SIDT2: variants seen among roughly 807,000 people sequenced by gnomAD.
The protein encoded by SIDT2 is SID1 transmembrane family member 2.
Under a neutral mutation model 114.4 loss-of-function variants are expected in SIDT2, and 68 were observed. The ratio of observed to expected loss-of-function variants is 0.59; its 90% CI spans 0.49 to 0.73. SIDT2 has a LOEUF of 0.73. Among genes scored for constraint, SIDT2 ranks in the 30% least tolerant of loss-of-function variants. The probability of loss-of-function intolerance (pLI) is 0.00; values close to 1 mark genes in which losing one functional copy is unlikely to be tolerated. For missense variants in SIDT2, 918 were observed against 1,097.1 expected, an observed-to-expected ratio of 0.84 and a Z score of 2.31; for synonymous variants, 470 against 438.4, an observed-to-expected ratio of 1.07 and a Z score of -0.90.
At chr11:117,179,476 C>T (rs777427551) in intron 1 of SIDT2, 30 bp downstream of exon 1, 10 of 1,593,520 alleles carry the variant, frequency 6.3e-6, no homozygotes, top group Middle Eastern at 1.7e-4. Context: ...GGGCCAGAGG[C>T]GAGTGGGGAA....
At chr11:117,179,619 A>G (rs2030185590) in intron 1 of SIDT2, 173 bp downstream of exon 1, 1 of 611,284 alleles carries the variant, frequency 1.6e-6, no homozygotes, top group South Asian at 2.3e-5. Flanking sequence ...CTTTGCCACC[A>G]ATGTTTCTCT....
In SIDT2 at chr11:117,196,084, G is replaced by A. The variant is rs765325547; in HGVS notation, c.*18G>A. ...TCTTCTAGCAGGAGCTGGGCCCTTC[G>A]CTTCACCTCAAGGGGCCCTGAGCTC... is the stretch of plus-strand genomic sequence containing the variant. On this transcript the variant is annotated 3_prime_UTR_variant, in exon 26 of 26. Transcript: ENST00000324225. The surrounding 1 kb of genome is among the most constrained non-coding windows in gnomAD (Gnocchi z 4.9). 5.0e-6 allele frequency: 8 copies of A among 1,613,958 alleles called. No homozygotes were observed. The highest frequency in any genetic ancestry group is 2.2e-5 in the South Asian group (2 of 91,080).
At position 117,179,356 on chromosome 11, in the gene SIDT2, A is replaced by G; in HGVS notation, c.93A>G (p.Lys31=). The G allele has an allele frequency of 1.2e-6, 2 of 1,614,160 alleles. No homozygotes were observed. Among genetic ancestry groups the G allele is most frequent in the Non-Finnish European group, 1.7e-6 (2 of 1,180,034 alleles). Residue 31 remains lysine, a synonymous_variant, in exon 1 of 26, where the codon AAA becomes AAG. Coordinates refer to ENST00000324225, the MANE Select transcript of SIDT2 (RefSeq NM_001040455.2). ...GVLGPKNVSQ[K]DAEFERTYVD... ...TGGGGCCCAAGAACGTCTCGCAGAAAGACGCCGAGTTTGAGCGCACCTACG... is the reference window on the plus strand; with the variant it reads ...TGGGGCCCAAGAACGTCTCGCAGAAGGACGCCGAGTTTGAGCGCACCTACG...
chr11:117,188,199 C>T lies in SIDT2; in HGVS notation c.1159+500C>T. ...CGTCTGCGTTGCCAGCGCCCTCACT[C>T]CCTGGCCTGCTTGGGGAGGGCTCAC... On this transcript the variant is annotated intron_variant, in intron 12 of 25. Coordinates refer to ENST00000324225, the MANE Select transcript of SIDT2 (RefSeq NM_001040455.2). The surrounding 1 kb of genome is among the most constrained non-coding windows in gnomAD (Gnocchi z 4.0). 1 of 357,224 alleles carries T rather than the reference C, an allele frequency of 2.8e-6. No homozygotes were observed. The highest frequency in any genetic ancestry group is 2.1e-5 in the South Asian group (1 of 46,644). The allele number at this position is 357,224 out of a possible 1,614,324, so 22.1% of individuals were successfully genotyped here. A position where few individuals can be genotyped will look rare whatever the true frequency, so the allele number is the denominator to read the frequency against.
At chr11:117,183,744 T>C in intron 6 of SIDT2, 35 bp from the exon 7 acceptor site, 1 of 1,338,394 alleles carries the variant, frequency 7.5e-7, no homozygotes, top group South Asian at 1.2e-5. Context: ...ATGATGATGA[T>C]GATGAAGAAG....
chr11:117,181,628 C>CT, intron 2 of SIDT2, 91 bp downstream of exon 2: 2 of 1,594,322 alleles, frequency 1.3e-6, no homozygotes, highest in Non-Finnish European at 1.7e-6. Flanking sequence ...TTCTCCTCCC[C>CT]TTTCCCTGGG....
At position 117,181,864 on chromosome 11, in the gene SIDT2, CA is replaced by C; in HGVS notation, c.365del (p.Lys122ArgfsTer64). On this transcript the variant is annotated frameshift_variant, in exon 3 of 26. Coordinates refer to ENST00000324225, the MANE Select transcript of SIDT2 (RefSeq NM_001040455.2). LOFTEE classifies it high-confidence loss of function. ...AACGAACCCTGTGTCAGCCCCCCAC[CA>C]AGAATGAGTCGGAGATTCAGTTCTT... ...VERTLCQPPT[K>X]NESEIQFFYV... The C allele has an allele frequency of 6.2e-7, 1 of 1,614,226 alleles. No homozygotes were observed. Among genetic ancestry groups the C allele is most frequent in the Non-Finnish European group, 8.5e-7 (1 of 1,180,036 alleles).
chr11:117,182,292 G>C (rs1199150019), intron 4 of SIDT2, 187 bp downstream of exon 4: 31 of 747,794 alleles, frequency 4.1e-5, no homozygotes, highest in Non-Finnish European at 5.9e-5. Context: ...CAGAGACATG[G>C]AGTCTGGTTG....
At chr11:117,193,671 G>A (rs1025380437) in intron 23 of SIDT2, among the ~76,000 whole-genome samples, 182 bp from the exon 24 acceptor site, 2 of 152,212 alleles carry the variant, frequency 1.3e-5, no homozygotes, top group African/African-American at 4.8e-5. Flanking sequence ...AGGCTGGGTG[G>A]GGTGGACATC....
At chr11:117,194,347 T>C (rs890705831) in intron 24 of SIDT2, among the ~76,000 whole-genome samples, 1 of 152,088 alleles carries the variant, frequency 6.6e-6, no homozygotes, top group African/African-American at 2.4e-5. Flanking sequence ...ACACCTACCA[T>C]AGGCCAGCAC....
At position 117,188,578 on chromosome 11, in the gene SIDT2, A is replaced by C; in HGVS notation, c.1160-130A>C. 1 of 695,546 alleles carries C rather than the reference A, an allele frequency of 1.4e-6. No homozygotes were observed. The highest frequency in any genetic ancestry group is 2.6e-6 in the Non-Finnish European group (1 of 387,014). 43.1% of individuals were successfully genotyped at this position (695,546 alleles called of 1,614,324 possible). A position where few individuals can be genotyped will look rare whatever the true frequency, so the allele number is the denominator to read the frequency against. On this transcript the variant is annotated intron_variant, in intron 12 of 25. Coordinates refer to ENST00000324225, the MANE Select transcript of SIDT2 (RefSeq NM_001040455.2). This position sits in a 1 kb window ranked among gnomAD's most constrained non-coding sequence, Gnocchi z 4.0. ...AGCTCCTGAGCCCACTTCCACCCCA[A>C]CTCTGAGGCCCAGCCCACAATTTGC...
Position 117,190,558 on chromosome 11 carries a change from T to G in SIDT2, c.1618-65T>G, listed in dbSNP as rs2030663051. On this transcript the variant is annotated intron_variant, in intron 17 of 25. Transcript: ENST00000324225. The surrounding 1 kb of genome is among the most constrained non-coding windows in gnomAD (Gnocchi z 4.1). ...TTCCACTCCTCTTAGGGTCCCTCTT[T>G]TGGGTCCCTTCTTCCCTTCCTGCCT... The G allele has an allele frequency of 2.2e-6, 3 of 1,363,184 alleles. No homozygotes were observed. The highest frequency in any genetic ancestry group is 3.1e-6 in the Non-Finnish European group (3 of 979,162). The allele number at this position is 1,363,184 out of a possible 1,614,324, so 84.4% of individuals were successfully genotyped here.
At chr11:117,186,909 A>G (rs1431063600) in intron 10 of SIDT2, 21 of 1,480,842 alleles carry the variant, frequency 1.4e-5, no homozygotes, top group Non-Finnish European at 1.8e-5. Context: ...GGTCTCTGGG[A>G]TTATTAACCT....
At chr11:117,182,861 C>G in intron 6 of SIDT2, 55 bp downstream of exon 6, 1 of 1,554,064 alleles carries the variant, frequency 6.4e-7, no homozygotes. Flanking sequence ...AGCTGTGTAG[C>G]TTTCCAAACT....
Position 117,192,165 on chromosome 11 carries a change from C to T in SIDT2, c.1873-89C>T. 6.6e-7 allele frequency: 1 copy of T among 1,505,916 alleles called. No homozygotes were observed. Among genetic ancestry groups the T allele is most frequent in the Non-Finnish European group, 9.2e-7 (1 of 1,088,968 alleles). 93.3% of individuals were successfully genotyped at this position (1,505,916 alleles called of 1,614,324 possible). On this transcript the variant is annotated intron_variant, in intron 19 of 25. Coordinates refer to ENST00000324225, the MANE Select transcript of SIDT2 (RefSeq NM_001040455.2). The surrounding 1 kb of genome is among the most constrained non-coding windows in gnomAD (Gnocchi z 5.9). ...CCTGGGCCCCTCTCAGAGTCCCAGC[C>T]TGGCTGAGCAGCCAGCCCCAGGAAG...
chr11:117,179,037 C>A lies in SIDT2; in HGVS notation c.-227C>A. The A allele has an allele frequency of 1.8e-6, 1 of 570,278 alleles. No individual in the cohort carries two copies. The highest frequency in any genetic ancestry group is 3.1e-6 in the Non-Finnish European group (1 of 322,728). 35.3% of individuals were successfully genotyped at this position (570,278 alleles called of 1,614,324 possible). ...GGACCCCTTCCCGTAGCCAGCATCCCCTCCCTCCCCGCCCCCTCCCGGCCG... is the reference window on the plus strand; with the variant it reads ...GGACCCCTTCCCGTAGCCAGCATCCACTCCCTCCCCGCCCCCTCCCGGCCG... On this transcript the variant is annotated 5_prime_UTR_variant, in exon 1 of 26. Coordinates refer to ENST00000324225, the MANE Select transcript of SIDT2 (RefSeq NM_001040455.2).
intron 1 of SIDT2, chr11:117,179,947 G>C (rs1427084201): frequency 2.0e-5 from 3 of 152,510 alleles, no homozygotes; most frequent in Non-Finnish European, 4.4e-5. Context: ...CTTGTAAATT[G>C]AGGGTGACAG....
At chr11:117,183,697 A>G (rs1025051059) in intron 6 of SIDT2, 82 bp from the exon 7 acceptor site, 10 of 1,037,638 alleles carry the variant, frequency 9.6e-6, no homozygotes, top group Non-Finnish European at 1.5e-5. Flanking sequence ...AATTTAGCAT[A>G]ATGTCTGGCC....
intron 24 of SIDT2, among the ~76,000 whole-genome samples, chr11:117,194,959 C>G (rs1174540522): frequency 6.6e-6 from 1 of 151,476 alleles, no homozygotes. Flanking sequence ...TGATGGTGGG[C>G]GCCTGTAGTC....
Sources: gnomAD v4.1 joint callset for allele counts (sites outside exome capture counted in the v4.1 genomes callset) on GRCh38, gnomAD v4.1.1 for gene constraint, Gnocchi (gnomAD v3.1) non-coding constraint, MANE v1.5 for transcripts, NCBI Gene and HGNC (gene_info 2026-07-23, HGNC 2026-07-21) for gene names.